NOL10: variants seen among roughly 807,000 people sequenced by gnomAD.
NOL10 encodes nucleolar protein 10.
NOL10 carries 58 observed loss-of-function variants against 103.5 expected under a neutral mutation model. That is an observed-to-expected ratio of 0.56 (90% CI 0.45 to 0.70). NOL10 has a LOEUF of 0.70. Among genes scored for constraint, NOL10 ranks in the 30% least tolerant of loss-of-function variants. The pLI is 0.00. For missense variants in NOL10, 763 were observed against 807.3 expected (o/e 0.95, Z 0.67); for synonymous variants, 287 against 282.5 (o/e 1.02, Z -0.16).
At chr2:10,670,979 T>C (rs1680894513) in intron 6 of NOL10, among the ~76,000 whole-genome samples, 1 of 152,248 alleles carries the variant, frequency 6.6e-6, no homozygotes, top group South Asian at 2.1e-4. Context: ...ATGCTTTAAA[T>C]GCTTTTGTCA....
intron 13 of NOL10, among the ~76,000 whole-genome samples, chr2:10,642,234 C>T (rs1053211870): frequency 6.6e-6 from 1 of 152,182 alleles, no homozygotes; most frequent in Admixed American, 6.5e-5. Context: ...AGACATGCCA[C>T]CAGGCAATTC....
chr2:10,574,207 C>T (rs182976267), intron 20 of NOL10, among the ~76,000 whole-genome samples: 3 of 152,344 alleles, frequency 2.0e-5, no homozygotes, highest in Admixed American at 6.5e-5. Flanking sequence ...CATCAATACA[C>T]ATGCGTTAAT....
chr2:10,619,038 G>C (rs779790609), intron 13 of NOL10, among the ~76,000 whole-genome samples: 7 of 152,204 alleles, frequency 4.6e-5, no homozygotes, highest in African/African-American at 1.7e-4. Flanking sequence ...ACTTAAGCAG[G>C]ATTCAGAACA....
At chr2:10,584,190 A>G (rs550821277) in intron 19 of NOL10, among the ~76,000 whole-genome samples, 10 of 152,304 alleles carry the variant, frequency 6.6e-5, no homozygotes, top group African/African-American at 2.2e-4. Flanking sequence ...AGGCTCCCCA[A>G]ATTCAGCTCC....
At chr2:10,688,638 G>C (rs532215657) in intron 1 of NOL10, among the ~76,000 whole-genome samples, 28 of 152,134 alleles carry the variant, frequency 1.8e-4, no homozygotes, top group Non-Finnish European at 3.2e-4. Flanking sequence ...CATTCACCAC[G>C]AAAAGTACTT....
intron 17 of NOL10, among the ~76,000 whole-genome samples, chr2:10,591,731 TG>T (rs1254898170): frequency 6.6e-6 from 1 of 151,648 alleles, no homozygotes; most frequent in Non-Finnish European, 1.5e-5. Context: ...ACTGGCCAGG[TG>T]GTGGTTCATG....
At chr2:10,680,448 G>A (rs115142077) in intron 3 of NOL10, among the ~76,000 whole-genome samples, 4 of 151,284 alleles carry the variant, frequency 2.6e-5, no homozygotes, top group Middle Eastern at 3.4e-3. Context: ...AATAGAGGAC[G>A]ATTTCATAAA....
intron 13 of NOL10, among the ~76,000 whole-genome samples, chr2:10,632,078 A>G (rs1302421161): frequency 6.6e-6 from 1 of 152,210 alleles, no homozygotes; most frequent in Admixed American, 6.5e-5. Flanking sequence ...AGCCATGGTC[A>G]AAGTACACAA....
chr2:10,651,067 G>A (rs1318726261), intron 12 of NOL10, among the ~76,000 whole-genome samples: 2 of 152,136 alleles, frequency 1.3e-5, no homozygotes, highest in Admixed American at 6.5e-5. Context: ...CATTAAAGGT[G>A]GGGGAAGAGA....
At chr2:10,581,130 C>A (rs1192834541) in intron 19 of NOL10, among the ~76,000 whole-genome samples, 1 of 152,168 alleles carries the variant, frequency 6.6e-6, no homozygotes, top group Non-Finnish European at 1.5e-5. Flanking sequence ...ACTCAGGCAA[C>A]CACGAAATCT....
At chr2:10,587,561 G>A (rs776345288) in intron 19 of NOL10, among the ~76,000 whole-genome samples, 28 of 151,580 alleles carry the variant, frequency 1.8e-4, no homozygotes, top group East Asian at 1.9e-4. Context: ...GTGAGCCACC[G>A]TGCCCGGCCT....
At chr2:10,626,658 G>A (rs1677485194) in intron 13 of NOL10, among the ~76,000 whole-genome samples, 1 of 151,876 alleles carries the variant, frequency 6.6e-6, no homozygotes, top group Admixed American at 6.6e-5. Flanking sequence ...AATAAGAATG[G>A]CAACGAGATC....
At chr2:10,675,901 A>G in intron 3 of NOL10, 30 bp from the exon 4 acceptor site, 2 of 1,248,922 alleles carry the variant, frequency 1.6e-6, no homozygotes, top group Admixed American at 2.2e-5. Flanking sequence ...TGTAAAACCT[A>G]AAGACATACT....
chr2:10,631,818 G>A (rs1026834466), intron 13 of NOL10, among the ~76,000 whole-genome samples: 4 of 151,726 alleles, frequency 2.6e-5, no homozygotes, highest in African/African-American at 4.8e-5. Flanking sequence ...AGGTTCAAGC[G>A]ATTCTCTTGC....
chr2:10,639,610 A>G (rs776924258), intron 13 of NOL10, among the ~76,000 whole-genome samples: 1 of 152,180 alleles, frequency 6.6e-6, no homozygotes, highest in Non-Finnish European at 1.5e-5. Flanking sequence ...AACACCATTA[A>G]GCAGAAAGGT....
chr2:10,645,647 C>A (rs1679008952), intron 12 of NOL10, among the ~76,000 whole-genome samples: 1 of 151,758 alleles, frequency 6.6e-6, no homozygotes, highest in Non-Finnish European at 1.5e-5. Flanking sequence ...CATTCTCCTG[C>A]CTCAGCCTCC....
intron 19 of NOL10, among the ~76,000 whole-genome samples, chr2:10,588,027 G>A (rs1675205754): frequency 2.0e-5 from 3 of 152,106 alleles, no homozygotes; most frequent in Admixed American, 1.3e-4. Context: ...GACATCTCCT[G>A]TGACCGTCTA....
At chr2:10,671,409 CTTTTT>C (rs5829273) in intron 6 of NOL10, 140 bp downstream of exon 6, 129 of 458,422 alleles carry the variant, frequency 2.8e-4, no homozygotes, top group South Asian at 7.8e-4. Context: ...GTTTTCTTTT[CTTTTT>C]TTTTTTTTTT....
At chr2:10,676,726 C>T (rs1681334200) in intron 3 of NOL10, among the ~76,000 whole-genome samples, 1 of 151,552 alleles carries the variant, frequency 6.6e-6, no homozygotes, top group South Asian at 2.1e-4. Context: ...CAACCTCCGC[C>T]TCCCAGGTTC....
Sources: gnomAD v4.1 joint callset for allele counts (sites outside exome capture counted in the v4.1 genomes callset) on GRCh38, gnomAD v4.1.1 for gene constraint, MANE v1.5 for transcripts, NCBI Gene and HGNC (gene_info 2026-07-23, HGNC 2026-07-21) for gene names.